JUP: variants seen among roughly 807,000 people sequenced by gnomAD.
JUP encodes junction plakoglobin, also known as catenin (cadherin-associated protein), gamma 80kDa.
Under a neutral mutation model 71.1 loss-of-function variants are expected in JUP, and 28 were observed. That is an observed-to-expected ratio of 0.39 (90% CI 0.29 to 0.54). JUP has a LOEUF of 0.54. JUP is among the 20% of genes least tolerant of loss of function. The pLI is 0.62. For missense variants in JUP, 869 were observed against 1,030.1 expected, an observed-to-expected ratio of 0.84 and a Z score of 2.14; for synonymous variants, 401 against 438.9, an observed-to-expected ratio of 0.91 and a Z score of 1.08.
At chr17:41,773,648 G>A (rs1188926784) in intron 1 of JUP, among the ~76,000 whole-genome samples, 1 of 152,062 alleles carries the variant, frequency 6.6e-6, no homozygotes, top group African/African-American at 2.4e-5. Flanking sequence ...CCCAGCAACA[G>A]AGGGGAATGG....
At chr17:41,782,088 G>A (rs1480115786) in intron 1 of JUP, among the ~76,000 whole-genome samples, 1 of 152,180 alleles carries the variant, frequency 6.6e-6, no homozygotes, top group Non-Finnish European at 1.5e-5. Context: ...CAGTACTCCG[G>A]CTGCACCATC....
rs554046226 is a variant in JUP at position 41,769,590 on chromosome 17, G to A, written c.296C>T (p.Ser99Leu). Residue 99 changes from serine to leucine, a missense_variant, in exon 3 of 14, where the codon TCG becomes TTG. By Grantham distance (145) the Ser-to-Leu change is moderately radical. Coordinates refer to ENST00000393931, the MANE Select transcript of JUP (RefSeq NM_002230.4). ...CTCCACCTGGGTGGCCAGCAGAAGC[G>A]AGCTGTCCTCGCCTGACACACCAGG... Reference protein sequence around the residue: ...MCPGVSGEDSSLLLATQVEGQ... With the variant: ...MCPGVSGEDSLLLLATQVEGQ... The A allele has an allele frequency of 1.4e-5, 22 of 1,605,888 alleles. No homozygotes were observed. Among genetic ancestry groups the A allele is most frequent in the Middle Eastern group, 3.3e-4 (2 of 6,046 alleles).
At chr17:41,762,461 G>T (rs373499831) in intron 8 of JUP, among the ~76,000 whole-genome samples, 5 of 152,134 alleles carry the variant, frequency 3.3e-5, no homozygotes, top group Non-Finnish European at 4.4e-5. Flanking sequence ...TGCAATCATA[G>T]CTCACTGTAA....
rs782799529 is a variant in JUP at position 41,769,084 on chromosome 17, C to T, written c.592G>A (p.Asp198Asn). The change falls in exon 4 of 14, where the codon GAC (aspartate) becomes AAC (asparagine). Residue 198 changes from aspartate (D) to asparagine (N), a missense_variant. Transcript: ENST00000393931. ...GTGGTGCAGCGGGCTGTGTCCAGGT[C>T]GCTGGTATTCTGCATGGTACGCACG... is the stretch of plus-strand genomic sequence containing the variant. ...AVVRTMQNTS[D>N]LDTARCTTSI... 8.7e-6 allele frequency: 14 copies of T among 1,613,050 alleles called. No individual in the cohort carries two copies. Among genetic ancestry groups the T allele is most frequent in the Middle Eastern group, 1.6e-4 (1 of 6,080 alleles).
chr17:41,769,842 G>A (rs1326467998), intron 2 of JUP, among the ~76,000 whole-genome samples, 165 bp from the exon 3 acceptor site: 1 of 152,066 alleles, frequency 6.6e-6, no homozygotes, highest in Admixed American at 6.5e-5. Flanking sequence ...AGGAACCTTG[G>A]GGAAGTCACC....
In JUP at chr17:41,785,457, C is replaced by G. The variant is rs369724460; in HGVS notation, c.-9+1131G>C. Among the ~76,000 whole-genome samples, 456 of 152,234 alleles carry G rather than the reference C, an allele frequency of 3.0e-3. 2 individuals carry two copies. The highest frequency in any genetic ancestry group is 4.0e-3 in the Non-Finnish European group (274 of 68,014). On this transcript the variant is annotated intron_variant, in intron 1 of 13. Transcript: ENST00000393931. ...TCCCCTCTCAGCACTTTCCACCCCC[C>G]ACCCCGGCCCCTACCTCAGGCCCCT...
Position 41,764,786 on chromosome 17 carries a change from G to C in JUP, c.1085C>G (p.Thr362Ser). 6.2e-7 allele frequency: 1 copy of C among 1,613,732 alleles called. No homozygotes were observed. The highest frequency in any genetic ancestry group is 1.7e-4 in the Middle Eastern group (1 of 5,930). ...GGMQALGKHL[T>S]SNSPRLVQNC... Reference sequence around the variant, plus strand: ...CTGCACCAGGCGGGGGCTGTTGCTGGTCAGGTGCTTGCCCAGGGCCTGCAT... The same window carrying C: ...CTGCACCAGGCGGGGGCTGTTGCTGCTCAGGTGCTTGCCCAGGGCCTGCAT... The change falls in exon 7 of 14, where the codon ACC (threonine) becomes AGC (serine). Residue 362 changes from threonine (T) to serine (S), a missense_variant. By Grantham distance (58) the Thr-to-Ser change is moderately conservative. Transcript: ENST00000393931.
At position 41,755,778 on chromosome 17, in the gene JUP, G is replaced by C. The variant is rs782574785; in HGVS notation, c.2204C>G (p.Pro735Arg). The C allele has an allele frequency of 3.1e-6, 5 of 1,611,156 alleles. No homozygotes were observed. Among genetic ancestry groups the C allele is most frequent in the Non-Finnish European group, 2.5e-6 (3 of 1,178,482 alleles). The change falls in exon 14 of 14, where the codon CCC becomes CGC. Residue 735 changes from proline (P) to arginine (R), a missense_variant. Transcript: ENST00000393931. ...PIDTYSDGLR[P>R]PYPTADHMLA ...CATGTGGTCTGCAGTGGGGTACGGG[G>C]GCCTGAGGCCGTCGCTGTAGGTGTC...
intron 1 of JUP, among the ~76,000 whole-genome samples, chr17:41,779,886 G>A (rs1375746471): frequency 6.6e-6 from 1 of 150,636 alleles, no homozygotes; most frequent in Admixed American, 6.7e-5. Context: ...CAGGCTGGCA[G>A]GCTGGTCTCA....
At chr17:41,770,157 C>T (rs1916428543) in intron 2 of JUP, among the ~76,000 whole-genome samples, 1 of 152,110 alleles carries the variant, frequency 6.6e-6, no homozygotes, top group Non-Finnish European at 1.5e-5. Flanking sequence ...TCTAATTACA[C>T]CCTCATCATC....
chr17:41,762,941 G>A, intron 8 of JUP, 42 bp downstream of exon 8: 2 of 1,573,732 alleles, frequency 1.3e-6, no homozygotes, highest in Non-Finnish European at 1.7e-6. Context: ...CAGCACCTAA[G>A]CCTGCTGCAG....
intron 1 of JUP, among the ~76,000 whole-genome samples, chr17:41,784,705 C>G (rs1315839753): frequency 1.3e-5 from 2 of 152,090 alleles, no homozygotes; most frequent in East Asian, 1.9e-4. Flanking sequence ...TGATCCCCAC[C>G]CAGGATAAAG....
At chr17:41,777,972 AAC>A (rs1351484065) in intron 1 of JUP, among the ~76,000 whole-genome samples, 1 of 152,100 alleles carries the variant, frequency 6.6e-6, no homozygotes, top group Non-Finnish European at 1.5e-5. Flanking sequence ...GGAATGGAAA[AAC>A]ACTTCACCCC....
chr17:41,778,328 G>C (rs1555609330), intron 1 of JUP, among the ~76,000 whole-genome samples: 1 of 152,172 alleles, frequency 6.6e-6, no homozygotes, highest in African/African-American at 2.4e-5. Context: ...ACTTTAGGAG[G>C]CCAAGGCAGG....
chr17:41,780,504 G>A (rs1177296370), intron 1 of JUP, among the ~76,000 whole-genome samples: 2 of 149,914 alleles, frequency 1.3e-5, no homozygotes, highest in Non-Finnish European at 3.0e-5. Flanking sequence ...GACCAGCCTG[G>A]CCAACATAGT....
At chr17:41,764,671 G>T in intron 7 of JUP, 42 bp downstream of exon 7, 1 of 1,526,762 alleles carries the variant, frequency 6.5e-7, no homozygotes, top group Non-Finnish European at 9.1e-7. Context: ...GCTGGATGGG[G>T]CAGCTGAAGA....
chr17:41,785,715 T>TA (rs1409844654), intron 1 of JUP, among the ~76,000 whole-genome samples: 9 of 152,312 alleles, frequency 5.9e-5, no homozygotes, highest in African/African-American at 2.2e-4. Flanking sequence ...AATAAGAGGT[T>TA]AGAGAAGACG....
intron 1 of JUP, chr17:41,772,879 CTG>C (rs1916876515): frequency 2.0e-6 from 2 of 985,468 alleles, no homozygotes; most frequent in South Asian, 9.4e-5. Context: ...CCCGCTTGGT[CTG>C]TGTTTGGCTC....
intron 12 of JUP, among the ~76,000 whole-genome samples, chr17:41,756,493 G>A (rs756419468): frequency 6.6e-6 from 1 of 152,114 alleles, no homozygotes; most frequent in Non-Finnish European, 1.5e-5. Context: ...CCAGCTACTC[G>A]GGAGGCTGAG....
Sources: allele counts gnomAD v4.1 joint callset (sites outside exome capture counted in the v4.1 genomes callset), GRCh38; gene constraint gnomAD v4.1.1; transcripts MANE v1.5; gene names NCBI Gene and HGNC (gene_info 2026-07-23, HGNC 2026-07-21).